TRPM6: variants seen among roughly 807,000 people sequenced by gnomAD.
The protein encoded by TRPM6 is transient receptor potential cation channel subfamily M member 6, also known as channel kinase 2.
A neutral mutation model predicts 247.6 loss-of-function variants in TRPM6; 111 were observed. That is an observed-to-expected ratio of 0.45 (90% CI 0.38 to 0.52). The LOEUF (loss-of-function observed/expected upper bound fraction) is 0.52, where lower values mean the gene tolerates loss of function less well. Ranked by LOEUF, TRPM6 falls within the 20% of genes least tolerant of loss-of-function variation. The pLI, the probability that TRPM6 is intolerant of heterozygous loss-of-function variation, is 0.00. For synonymous variants in TRPM6, 892 were observed against 853.8 expected (o/e 1.04, Z -0.78); for missense variants, 2,126 against 2,421.5 (o/e 0.88, Z 2.56).
rs757235885 is a variant in TRPM6, at chr9:74,801,954, T to G, written c.1953A>C (p.Glu651Asp). Residue 651 changes from glutamate to aspartate, a missense_variant, in exon 16 of 39, where the codon GAA becomes GAC. Physicochemically the swap from Glu to Asp is conservative, Grantham distance 45. Transcript: ENST00000360774. ...CATCCACCATGTGACTCTCCTTAGC[T>G]TCATGGGCCATTGCCCGGTAGAGGA... is the stretch of plus-strand genomic sequence containing the variant. ...ACILYRAMAHEAKESHMVDDA... is the reference protein window; with the variant it reads ...ACILYRAMAHDAKESHMVDDA... 2 of 1,614,254 alleles carry G rather than the reference T, an allele frequency of 1.2e-6. No homozygotes were observed. The highest frequency in any genetic ancestry group is 2.2e-5 in the East Asian group (1 of 44,882).
chr9:74,742,670 G>A, intron 32 of TRPM6, 44 bp from the exon 33 acceptor site: 1 of 1,558,116 alleles, frequency 6.4e-7, no homozygotes. Flanking sequence ...TGCATCAGTG[G>A]CTGAATTTAC....
At chr9:74,751,422 G>T (rs1826240497) in intron 29 of TRPM6, among the ~76,000 whole-genome samples, 1 of 152,090 alleles carries the variant, frequency 6.6e-6, no homozygotes, top group South Asian at 2.1e-4. Context: ...TTGAACACAG[G>T]TCCCTGCTTC....
In TRPM6 at chr9:74,762,521, G is replaced by GA. The variant is rs1417264100; in HGVS notation, c.4149dup (p.Leu1384SerfsTer13). 2 of 1,614,174 alleles carry GA rather than the reference G, an allele frequency of 1.2e-6. No individual in the cohort carries two copies. Among genetic ancestry groups the GA allele is most frequent in the Non-Finnish European group, 1.7e-6 (2 of 1,180,034 alleles). ...GGGGTCTGCCCAGTCAGATGAACAA[G>GA]AACCTCAGTCTGGATGTCCTGTTCA... On this transcript the variant is annotated frameshift_variant, in exon 26 of 39. Coordinates refer to ENST00000360774, the MANE Select transcript of TRPM6 (RefSeq NM_017662.5). LOFTEE classifies it high-confidence loss of function.
Position 74,834,112 on chromosome 9 carries a change from C to T in TRPM6, c.555G>A (p.Lys185=), listed in dbSNP as rs1028910985. The change falls in exon 6 of 39, where the codon AAG becomes AAA. Residue 185 remains lysine, a synonymous_variant. Transcript: ENST00000360774. ...GGGATTTCAAGGCATCCCCAACATG[C>T]TTGGACACTCCTATGAACAACCAGT... is the stretch of plus-strand genomic sequence containing the variant. ...ITEGINTGVS[K]HVGDALKSHS... The T allele has an allele frequency of 6.2e-7, 1 of 1,614,070 alleles. No individual in the cohort carries two copies. The highest frequency in any genetic ancestry group is 8.5e-7 in the Non-Finnish European group (1 of 1,179,944).
chr9:74,794,050 AAG>A (rs1828002601), intron 18 of TRPM6, among the ~76,000 whole-genome samples: 1 of 152,192 alleles, frequency 6.6e-6, no homozygotes, highest in Admixed American at 6.5e-5. Context: ...ACAAGAAAAG[AAG>A]CATTTATAGC....
intron 36 of TRPM6, among the ~76,000 whole-genome samples, chr9:74,737,988 C>T (rs901951931): frequency 6.6e-6 from 1 of 152,108 alleles, no homozygotes; most frequent in African/African-American, 2.4e-5. Context: ...ACAAGGGACA[C>T]AGCAAAGAGA....
rs1349494189 is a variant in TRPM6 at position 74,795,297 on chromosome 9, T to C, written c.2391+1444A>G. 2.6e-5 allele frequency among the ~76,000 whole-genome samples: 4 copies of C among 152,174 alleles called. No individual in the cohort carries two copies. In the East Asian group the frequency reaches 7.7e-4, roughly 29 times the overall value. Reference sequence around the variant, plus strand: ...GGAGGCAGAATAATTTCTCTAATAGTCAGATCATCTCACTACTCTGGCATA... The same window carrying C: ...GGAGGCAGAATAATTTCTCTAATAGCCAGATCATCTCACTACTCTGGCATA... On this transcript the variant is annotated intron_variant, in intron 18 of 38. Transcript: ENST00000360774.
At chr9:74,797,051 C>T (rs1828123967) in intron 17 of TRPM6, among the ~76,000 whole-genome samples, 158 bp from the exon 18 acceptor site, 1 of 152,148 alleles carries the variant, frequency 6.6e-6, no homozygotes, top group Non-Finnish European at 1.5e-5. Flanking sequence ...TCGGCAACTT[C>T]AGTTCTAGTG....
intron 27 of TRPM6, among the ~76,000 whole-genome samples, chr9:74,757,473 G>A (rs1391039838): frequency 6.6e-6 from 1 of 151,486 alleles, no homozygotes; most frequent in Admixed American, 6.6e-5. Context: ...GCCTGAGGCA[G>A]GAGAATCACT....
intron 36 of TRPM6, 124 bp downstream of exon 36, chr9:74,738,283 A>T: frequency 2.1e-6 from 2 of 948,030 alleles, no homozygotes; most frequent in South Asian, 2.7e-5. Flanking sequence ...TCTCTGAAAT[A>T]AATGTGCCCA....
At position 74,762,780 on chromosome 9, in the gene TRPM6, C is replaced by G. The variant is rs368057262; in HGVS notation, c.3891G>C (p.Arg1297Ser). The change falls in exon 26 of 39, where the codon AGG becomes AGC. Residue 1297 changes from arginine to serine, a missense_variant. By Grantham distance (110) the Arg-to-Ser change is moderately radical. Transcript: ENST00000360774. ...AGGRHPPRVQ[R>S]GALLEITNSK... ...TGTTTGTAATCTCAAGAAGTGCCCC[C>G]CTCTGCACTCTTGGGGGATGCCGGC... 1 of 1,614,122 alleles carries G rather than the reference C, an allele frequency of 6.2e-7. No homozygotes were observed. Among genetic ancestry groups the G allele is most frequent in the South Asian group, 1.1e-5 (1 of 91,076 alleles).
intron 35 of TRPM6, 108 bp downstream of exon 35, chr9:74,739,259 T>C: frequency 9.3e-7 from 1 of 1,078,732 alleles, no homozygotes; most frequent in Non-Finnish European, 1.4e-6. Context: ...AAAAATAAGA[T>C]CATGGGGAAT....
intron 38 of TRPM6, 32 bp downstream of exon 38, chr9:74,728,207 A>T: frequency 6.9e-7 from 1 of 1,443,764 alleles, no homozygotes; most frequent in Non-Finnish European, 9.8e-7. Context: ...TGAGAGATTT[A>T]CTTAGAGAAA....
In TRPM6 at chr9:74,777,435, G is replaced by A. The variant is rs778590603; in HGVS notation, c.3210-1359C>T. The stretch of plus-strand genomic sequence containing the variant: ...ACGTGAGAAATTTGTCCTATGCGAG[G>A]ATTTCTCAACTTCTTTTTTGACACT... On this transcript the variant is annotated intron_variant, in intron 23 of 38. Coordinates refer to ENST00000360774, the MANE Select transcript of TRPM6 (RefSeq NM_017662.5). Among the ~76,000 whole-genome samples, 62 of 152,140 alleles carry A rather than the reference G, an allele frequency of 4.1e-4. 1 individual carries two copies. The highest frequency in any genetic ancestry group is 7.8e-4 in the Non-Finnish European group (53 of 68,030).
At chr9:74,872,461 A>G (rs193284604) in intron 1 of TRPM6, among the ~76,000 whole-genome samples, 322 of 151,826 alleles carry the variant, frequency 2.1e-3, no homozygotes, top group African/African-American at 7.4e-3. Flanking sequence ...AGGGTTTCTC[A>G]TTCCTGTGCC....
chr9:74,744,084 AT>A lies in TRPM6; in HGVS notation c.5134+10del. On this transcript the variant is annotated intron_variant, in intron 32 of 38. Coordinates refer to ENST00000360774, the MANE Select transcript of TRPM6 (RefSeq NM_017662.5). ...GCTCAGCTGACATGTCTATGTGCAT[AT>A]GCATCCTACCTGAATAATGATGGTG... 1 of 1,613,604 alleles carries A rather than the reference AT, an allele frequency of 6.2e-7. No individual in the cohort carries two copies. The highest frequency in any genetic ancestry group is 1.1e-5 in the South Asian group (1 of 91,070).
In TRPM6 at chr9:74,785,766, G is replaced by A. The variant is rs564907111; in HGVS notation, c.2919+108C>T. ...TCTTGATCTCCTGACCTTGTGATCCGCCCGCCTTGGCCTCCCAAAGTGCTG... is the reference window on the plus strand; with the variant it reads ...TCTTGATCTCCTGACCTTGTGATCCACCCGCCTTGGCCTCCCAAAGTGCTG... On this transcript the variant is annotated intron_variant, in intron 21 of 38. Coordinates refer to ENST00000360774, the MANE Select transcript of TRPM6 (RefSeq NM_017662.5). The A allele has an allele frequency of 4.9e-4, 600 of 1,226,914 alleles. 3 individuals carry two copies. The highest frequency in any genetic ancestry group is 1.9e-3 in the South Asian group (154 of 82,262). 76.0% of individuals were successfully genotyped at this position (1,226,914 alleles called of 1,614,324 possible).
In TRPM6 at chr9:74,828,451, T is replaced by C. The variant is rs561555957; in HGVS notation, c.670-502A>G. ...AATTTCCCATGTTTTAATGGACCGA[T>C]ATGTGATCCCACTATGAATAACTAG... On this transcript the variant is annotated intron_variant, in intron 6 of 38. Transcript: ENST00000360774. 3.3e-5 allele frequency among the ~76,000 whole-genome samples: 5 copies of C among 152,306 alleles called. No homozygotes were observed. In the South Asian group the frequency reaches 1.0e-3, roughly 32 times the overall value.
intron 28 of TRPM6, 35 bp downstream of exon 28, chr9:74,755,318 G>C (rs1267142082): frequency 6.2e-7 from 1 of 1,612,828 alleles, no homozygotes; most frequent in East Asian, 2.2e-5. Context: ...ACCCCACCAG[G>C]GTTTTTGGGA....
Sources: allele counts gnomAD v4.1 joint callset (sites outside exome capture counted in the v4.1 genomes callset), GRCh38; gene constraint gnomAD v4.1.1; transcripts MANE v1.5; gene names NCBI Gene and HGNC (gene_info 2026-07-23, HGNC 2026-07-21).